The following RBFOX1 variants were observed in gnomAD, a reference collection of about 807,000 sequenced individuals.
The protein encoded by RBFOX1 is RNA binding fox-1 homolog 1.
In RBFOX1, 8 loss-of-function variants were observed where a neutral mutation model predicts 57.7. The ratio of observed to expected loss-of-function variants is 0.14; its 90% CI spans 0.08 to 0.25. The LOEUF (loss-of-function observed/expected upper bound fraction) is 0.25. Among genes scored for constraint, RBFOX1 ranks in the 10% least tolerant of loss-of-function variants. The probability of loss-of-function intolerance (pLI) is 1.00; values close to 1 mark genes in which losing one functional copy is unlikely to be tolerated. For missense variants in RBFOX1, 611 were observed against 548.5 expected, an observed-to-expected ratio of 1.11 and a Z score of -1.14; for synonymous variants, 326 against 222.4, an observed-to-expected ratio of 1.47 and a Z score of -4.15.
intron 15 of RBFOX1, among the ~76,000 whole-genome samples, 181 bp downstream of exon 15, chr16:7,709,312 T>A (rs2083494485): frequency 6.6e-6 from 1 of 152,218 alleles, no homozygotes; most frequent in Admixed American, 6.5e-5. Flanking sequence ...CTTAATTTCT[T>A]GGCAATGTAG....
rs534115073 is a variant in RBFOX1 at position 6,525,638 on chromosome 16, TCTG to T, written c.-63-128964_-63-128962del. Among the ~76,000 whole-genome samples the T allele has an allele frequency of 2.8e-3, 431 of 152,166 alleles. 3 individuals are homozygous for T. Among genetic ancestry groups the T allele is most frequent in the Middle Eastern group, 6.8e-3 (2 of 294 alleles). Reference sequence around the variant, plus strand: ...CATGAAGGCACCAGCAGGTCTGGTGTCTGGAGAGAACCCCGTCTCTACTTCCTA... The same window carrying T: ...CATGAAGGCACCAGCAGGTCTGGTGTGAGAGAACCCCGTCTCTACTTCCTA... On this transcript the variant is annotated intron_variant, in intron 2 of 15. Transcript: ENST00000550418.
chr16:6,146,138 G>A (rs116034293), intron 1 of RBFOX1, among the ~76,000 whole-genome samples: 18 of 152,156 alleles, frequency 1.2e-4, no homozygotes, highest in African/African-American at 2.7e-4. Flanking sequence ...ATATCACCCC[G>A]AAAACAGCAA....
At chr16:5,763,130 C>T (rs1202527599) in intron 3 of RBFOX1, among the ~76,000 whole-genome samples, 1 of 152,040 alleles carries the variant, frequency 6.6e-6, no homozygotes, top group Non-Finnish European at 1.5e-5. Context: ...ATAAATGCGC[C>T]CAACACAAGA....
chr16:7,027,607 A>T (rs1223470663), intron 3 of RBFOX1, among the ~76,000 whole-genome samples: 1 of 152,150 alleles, frequency 6.6e-6, no homozygotes, highest in East Asian at 1.9e-4. Flanking sequence ...GCCAGGGAAC[A>T]AGAATGCATA....
At chr16:7,012,000 C>T (rs2153657210) in intron 3 of RBFOX1, among the ~76,000 whole-genome samples, 1 of 152,278 alleles carries the variant, frequency 6.6e-6, no homozygotes, top group East Asian at 1.9e-4. Context: ...GTGTTCTGAT[C>T]AATGAGGTCT....
intron 4 of RBFOX1, among the ~76,000 whole-genome samples, chr16:7,130,818 A>G (rs1187311676): frequency 6.6e-6 from 1 of 152,202 alleles, no homozygotes; most frequent in Admixed American, 6.5e-5. Context: ...AGTGGGGAAC[A>G]AGAACACTTT....
At chr16:5,584,554 T>C (rs1351226569) in intron 2 of RBFOX1, among the ~76,000 whole-genome samples, 1 of 152,198 alleles carries the variant, frequency 6.6e-6, no homozygotes, top group African/African-American at 2.4e-5. Flanking sequence ...GGCTGGCTTT[T>C]TTCCCCCTTC....
chr16:6,725,822 A>G (rs2067052334), intron 3 of RBFOX1, among the ~76,000 whole-genome samples: 1 of 152,144 alleles, frequency 6.6e-6, no homozygotes, highest in Admixed American at 6.5e-5. Flanking sequence ...CTCTTCAAGC[A>G]TTGGGTTGTG....
chr16:6,893,913 C>G (rs1215045267), intron 3 of RBFOX1, among the ~76,000 whole-genome samples: 2 of 152,104 alleles, frequency 1.3e-5, no homozygotes. Context: ...ATAGAGGGAG[C>G]AAGCTGACCT....
At chr16:5,550,397 G>A (rs983425700) in intron 2 of RBFOX1, among the ~76,000 whole-genome samples, 19 of 152,154 alleles carry the variant, frequency 1.2e-4, no homozygotes, top group African/African-American at 4.1e-4. Flanking sequence ...GCTGTCGTGA[G>A]CCACCCTGGG....
chr16:7,397,311 T>G (rs1875517880), intron 4 of RBFOX1, among the ~76,000 whole-genome samples: 1 of 152,198 alleles, frequency 6.6e-6, no homozygotes, highest in Admixed American at 6.5e-5. Flanking sequence ...ACAAGATATT[T>G]AACATGCTAT....
intron 1 of RBFOX1, among the ~76,000 whole-genome samples, chr16:6,127,665 G>T (rs2096599740): frequency 6.6e-6 from 1 of 152,148 alleles, no homozygotes; most frequent in African/African-American, 2.4e-5. Context: ...GACAGTTTAT[G>T]GCTTTGTTCA....
At chr16:6,471,602 G>C in intron 2 of RBFOX1, among the ~76,000 whole-genome samples, 1 of 150,962 alleles carries the variant, frequency 6.6e-6, no homozygotes, top group South Asian at 2.1e-4. Flanking sequence ...AAAACCTCTA[G>C]TGGCAGAGAA....
At chr16:5,891,843 C>A (rs961529815) in intron 4 of RBFOX1, among the ~76,000 whole-genome samples, 1 of 152,268 alleles carries the variant, frequency 6.6e-6, no homozygotes, top group South Asian at 2.1e-4. Flanking sequence ...GGCTTGGAGA[C>A]CCTCCATCCT....
intron 4 of RBFOX1, among the ~76,000 whole-genome samples, chr16:5,988,017 G>A (rs751155520): frequency 3.3e-5 from 5 of 152,150 alleles, no homozygotes; most frequent in African/African-American, 9.7e-5. Flanking sequence ...CCTGGCTCTA[G>A]CCCACAGTAC....
chr16:5,587,978 G>C (rs1044972759), intron 2 of RBFOX1, among the ~76,000 whole-genome samples: 8 of 152,116 alleles, frequency 5.3e-5, no homozygotes, highest in Non-Finnish European at 8.8e-5. Context: ...CAGCAGATTC[G>C]TGGAAAAACA....
intron 3 of RBFOX1, among the ~76,000 whole-genome samples, chr16:6,681,725 C>A (rs764245316): frequency 7.3e-5 from 11 of 151,192 alleles, no homozygotes; most frequent in Admixed American, 5.3e-4. Flanking sequence ...ACTTATCTGA[C>A]GATATTGATA....
At chr16:7,390,786 C>A (rs1271040204) in intron 4 of RBFOX1, among the ~76,000 whole-genome samples, 3 of 151,904 alleles carry the variant, frequency 2.0e-5, no homozygotes, top group Admixed American at 6.6e-5. Context: ...TATTTTCTTT[C>A]CATTTATAAG....
At chr16:7,088,806 G>C (rs753917851) in intron 4 of RBFOX1, among the ~76,000 whole-genome samples, 2 of 152,104 alleles carry the variant, frequency 1.3e-5, no homozygotes, top group African/African-American at 2.4e-5. Context: ...TCCCTGCTTT[G>C]CCAAGGGAGG....
Sources: gnomAD v4.1 joint callset for allele counts (sites outside exome capture counted in the v4.1 genomes callset) on GRCh38, gnomAD v4.1.1 for gene constraint, MANE v1.5 for transcripts, NCBI Gene and HGNC (gene_info 2026-07-23, HGNC 2026-07-21) for gene names.